TRHDE: variants seen among roughly 807,000 people sequenced by gnomAD.
TRHDE encodes thyrotropin releasing hormone degrading enzyme, also known as thyrotropin-releasing hormone-degrading ectoenzyme.
A neutral mutation model predicts 125.7 loss-of-function variants in TRHDE; 72 were observed. The observed-to-expected ratio is 0.57, with a 90% CI of 0.47 to 0.70. The LOEUF is 0.70. Among genes scored for constraint, TRHDE ranks in the 30% least tolerant of loss-of-function variants. TRHDE has a pLI of 0.00. For synonymous variants in TRHDE, 509 were observed against 509.1 expected (o/e 1.00, Z 0.00); for missense variants, 1,110 against 1,327.1 (o/e 0.84, Z 2.54).
At chr12:72,419,586 A>T (rs368956843) in intron 3 of TRHDE, among the ~76,000 whole-genome samples, 98 of 152,246 alleles carry the variant, frequency 6.4e-4, no homozygotes, top group African/African-American at 2.3e-3. Context: ...ATCATTCACT[A>T]TCTCAAGAAC....
chr12:72,272,344 T>C (rs1314979489), upstream of TRHDE: 2 of 356,988 alleles, frequency 5.6e-6, no homozygotes, highest in African/African-American at 4.3e-5. This position sits in a 1 kb window ranked among gnomAD's most constrained non-coding sequence, Gnocchi z 6.7. Context: ...GGGGGCAGCA[T>C]GTGCCCCGCC....
chr12:72,394,009 G>A (rs1872699980), intron 3 of TRHDE, among the ~76,000 whole-genome samples: 1 of 152,122 alleles, frequency 6.6e-6, no homozygotes, highest in Non-Finnish European at 1.5e-5. Flanking sequence ...TGTACACCTG[G>A]CTCATACAAA....
intron 12 of TRHDE, chr12:72,610,958 G>A (rs1194463936): frequency 6.5e-6 from 1 of 153,158 alleles, no homozygotes; most frequent in African/African-American, 2.4e-5. Context: ...CACTGCCAAT[G>A]AGCTTTGCTT....
chr12:72,341,429 A>G (rs1268352110), intron 2 of TRHDE, among the ~76,000 whole-genome samples: 3 of 152,044 alleles, frequency 2.0e-5, no homozygotes, highest in South Asian at 2.1e-4. Flanking sequence ...AGTTTTGTGA[A>G]TCACCCCATA....
chr12:72,647,714 T>C (rs1272481458), intron 15 of TRHDE, among the ~76,000 whole-genome samples: 1 of 152,082 alleles, frequency 6.6e-6, no homozygotes, highest in Non-Finnish European at 1.5e-5. Flanking sequence ...TTATCAAGAC[T>C]AATCAATGAA....
chr12:72,531,273 T>G (rs1868536829), intron 6 of TRHDE, among the ~76,000 whole-genome samples: 1 of 152,122 alleles, frequency 6.6e-6, no homozygotes, highest in Non-Finnish European at 1.5e-5. Flanking sequence ...TTTTTGAATT[T>G]TCTATTTATA....
chr12:72,232,061 T>C (rs952898673), intron 2 of TRHDE, among the ~76,000 whole-genome samples: 3 of 152,190 alleles, frequency 2.0e-5, no homozygotes, highest in Non-Finnish European at 4.4e-5. Flanking sequence ...TATTCAGGTA[T>C]GGCGGGGCCA....
intron 2 of TRHDE, among the ~76,000 whole-genome samples, chr12:72,135,983 G>A (rs1011045043): frequency 7.9e-5 from 12 of 152,062 alleles, no homozygotes; most frequent in Admixed American, 6.6e-4. Flanking sequence ...GTTTGGTGTT[G>A]TTGTAAGTAT....
chr12:72,530,593 A>T (rs1259240899), intron 6 of TRHDE, among the ~76,000 whole-genome samples: 45 of 97,658 alleles, frequency 4.6e-4, no homozygotes, highest in African/African-American at 6.9e-4. Flanking sequence ...TCTCTGTGGG[A>T]GCCTGGGACT....
intron 10 of TRHDE, among the ~76,000 whole-genome samples, chr12:72,573,309 A>G (rs1490646537): frequency 6.6e-6 from 1 of 151,964 alleles, no homozygotes; most frequent in Non-Finnish European, 1.5e-5. Flanking sequence ...TTTAAAATAG[A>G]TATGAAATTC....
chr12:72,261,922 A>G (rs1878958805), intron 2 of TRHDE, among the ~76,000 whole-genome samples: 2 of 152,212 alleles, frequency 1.3e-5, no homozygotes, highest in Non-Finnish European at 2.9e-5. Context: ...ACTCTGAGAA[A>G]GAACTGAAGA....
chr12:72,109,980 C>T (rs902128780), intron 2 of TRHDE, among the ~76,000 whole-genome samples: 1 of 151,894 alleles, frequency 6.6e-6, no homozygotes, highest in African/African-American at 2.4e-5. Flanking sequence ...GTAATTTTTC[C>T]TCTTGGGTCA....
chr12:72,478,465 C>T (rs190780445), intron 5 of TRHDE, among the ~76,000 whole-genome samples: 5 of 152,044 alleles, frequency 3.3e-5, no homozygotes, highest in African/African-American at 4.8e-5. Context: ...GAAATATAGC[C>T]GATTTGCTCA....
intron 15 of TRHDE, among the ~76,000 whole-genome samples, chr12:72,650,347 A>G (rs1312268041): frequency 6.6e-6 from 1 of 152,172 alleles, no homozygotes; most frequent in African/African-American, 2.4e-5. Flanking sequence ...TAAAGAGTGG[A>G]ATGATGGTTG....
intron 3 of TRHDE, among the ~76,000 whole-genome samples, chr12:72,395,966 T>C (rs1872771044): frequency 6.6e-6 from 1 of 152,160 alleles, no homozygotes; most frequent in Admixed American, 6.6e-5. Flanking sequence ...AAATTCCTTC[T>C]CTTATCTAGC....
At chr12:72,230,498 TA>T in intron 2 of TRHDE, among the ~76,000 whole-genome samples, 1 of 152,262 alleles carries the variant, frequency 6.6e-6, no homozygotes, top group African/African-American at 2.4e-5. Flanking sequence ...CTCTGTCAAA[TA>T]AAAGCTGTCC....
chr12:72,459,596 A>C (rs1876026936), intron 3 of TRHDE, among the ~76,000 whole-genome samples: 1 of 152,134 alleles, frequency 6.6e-6, no homozygotes, highest in African/African-American at 2.4e-5. Context: ...TTATTGTTCT[A>C]GCTACAGTAG....
At chr12:72,591,038 C>G (rs1336648924) in intron 12 of TRHDE, among the ~76,000 whole-genome samples, 1 of 152,166 alleles carries the variant, frequency 6.6e-6, no homozygotes, top group African/African-American at 2.4e-5. Context: ...ACGATCATTG[C>G]AGAAGGCAAA....
At chr12:72,112,189 ACT>A (rs1239164921) in intron 2 of TRHDE, among the ~76,000 whole-genome samples, 1 of 152,098 alleles carries the variant, frequency 6.6e-6, no homozygotes, top group African/African-American at 2.4e-5. Context: ...GAAATATAGT[ACT>A]GTCAGCAGCA....
Sources: gnomAD v4.1 joint callset for allele counts (sites outside exome capture counted in the v4.1 genomes callset) on GRCh38, gnomAD v4.1.1 for gene constraint, Gnocchi (gnomAD v3.1) non-coding constraint, MANE v1.5 for transcripts, NCBI Gene and HGNC (gene_info 2026-07-23, HGNC 2026-07-21) for gene names.